Variants in BIRC6 observed in about 807,000 individuals in gnomAD.
BIRC6 encodes dual E2 ubiquitin-conjugating enzyme/E3 ubiquitin-protein ligase BIRC6.
A neutral mutation model predicts 503.3 loss-of-function variants in BIRC6; 98 were observed. That is an observed-to-expected ratio of 0.19 (90% CI 0.17 to 0.23). The LOEUF (loss-of-function observed/expected upper bound fraction) is 0.23. Among genes scored for constraint, BIRC6 ranks in the 10% least tolerant of loss-of-function variants. The probability of loss-of-function intolerance (pLI) is 1.00; values close to 1 mark genes in which losing one functional copy is unlikely to be tolerated. For synonymous variants in BIRC6, 2,240 were observed against 2,078.7 expected (o/e 1.08, Z -2.11); for missense variants, 5,360 against 5,806.0 (o/e 0.92, Z 2.50).
At chr2:32,486,304 G>A (rs923011984) in intron 40 of BIRC6, among the ~76,000 whole-genome samples, 3 of 152,186 alleles carry the variant, frequency 2.0e-5, no homozygotes, top group Non-Finnish European at 2.9e-5. Flanking sequence ...GCCATATGGT[G>A]TGTATTGAAA....
chr2:32,587,966 G>A (rs1382918063), intron 66 of BIRC6, among the ~76,000 whole-genome samples: 1 of 152,064 alleles, frequency 6.6e-6, no homozygotes, highest in Non-Finnish European at 1.5e-5. Flanking sequence ...ATTGTGTTTG[G>A]TTATCTCTCT....
chr2:32,406,838 AT>A (rs764634456), intron 9 of BIRC6, among the ~76,000 whole-genome samples: 29 of 152,180 alleles, frequency 1.9e-4, no homozygotes, highest in Non-Finnish European at 3.2e-4. Flanking sequence ...AAATGTTTTT[AT>A]TTGTATAATG....
chr2:32,538,919 A>AAATG (rs139245193), intron 61 of BIRC6, among the ~76,000 whole-genome samples: 1,524 of 152,188 alleles, frequency 0.01, 11 homozygotes, highest in African/African-American at 0.025. Context: ...ATGATTGAAC[A>AAATG]AATGAATGAA....
At chr2:32,468,362 T>C (rs1200349461) in intron 28 of BIRC6, 75 bp from the exon 29 acceptor site, 1 of 1,271,946 alleles carries the variant, frequency 7.9e-7, no homozygotes, top group Non-Finnish European at 1.1e-6. Flanking sequence ...TTAAGAGATT[T>C]AATTCTTAGT....
In BIRC6 at chr2:32,501,769, A is replaced by G. The variant is rs768862426; in HGVS notation, c.9088A>G (p.Ile3030Val). ...AAACTTTCATGGTGGGTTGGATGCC[A>G]TATCAGTTGGGGATGGATTATTTAC... ...HENFHGGLDA[I>V]SVGDGLFTIL... Residue 3030 changes from isoleucine to valine, a missense_variant, in exon 47 of 74, where the codon ATA becomes GTA. Physicochemically the swap from Ile to Val is conservative, Grantham distance 29 (BLOSUM62 3). This residue lies in a region of BIRC6 where 267 missense variants were observed against 287.6 expected (regional missense o/e 0.93). Coordinates refer to ENST00000421745, the MANE Select transcript of BIRC6 (RefSeq NM_016252.4). 1.1e-5 allele frequency: 18 copies of G among 1,613,694 alleles called. No homozygotes were observed. Among genetic ancestry groups the G allele is most frequent in the South Asian group, 7.7e-5 (7 of 91,046 alleles).
chr2:32,510,066 G>C, intron 52 of BIRC6, 72 bp downstream of exon 52: 1 of 1,505,424 alleles, frequency 6.6e-7, no homozygotes, highest in Non-Finnish European at 9.0e-7. Context: ...TGCGATCTTC[G>C]TGCTTAACTC....
intron 62 of BIRC6, 122 bp from the exon 63 acceptor site, chr2:32,545,521 C>A (rs2057997226): frequency 2.5e-6 from 2 of 806,590 alleles, no homozygotes; most frequent in South Asian, 1.6e-5. Context: ...ATTTGGTTTT[C>A]TAAATAATTT....
intron 67 of BIRC6, 148 bp downstream of exon 67, chr2:32,594,208 G>A: frequency 1.3e-6 from 1 of 795,616 alleles, no homozygotes; most frequent in Non-Finnish European, 1.9e-6. Context: ...GTTAGATTTT[G>A]TTCTTTATCT....
At chr2:32,377,194 T>G (rs913299689) in intron 1 of BIRC6, among the ~76,000 whole-genome samples, 1 of 151,362 alleles carries the variant, frequency 6.6e-6, no homozygotes, top group African/African-American at 2.4e-5. Flanking sequence ...TACATTTGCT[T>G]ATTATTCCCT....
Position 32,388,793 on chromosome 2 carries a change from C to T in BIRC6, c.689C>T (p.Ser230Phe). Reference protein sequence around the residue: ...TFHLPHHVLKSIASAIVNELK... With the variant: ...TFHLPHHVLKFIASAIVNELK... ...CATCTTCCTCATCATGTGTTGAAGT[C>T]CATTGCCAGTGCCATTGTAAATGAA... The change falls in exon 4 of 74, where the codon TCC becomes TTC. Residue 230 changes from serine (S) to phenylalanine (F), a missense_variant. This residue lies in a region of BIRC6 where 134 missense variants were observed against 150.9 expected (regional missense o/e 0.89). Transcript: ENST00000421745. 6.2e-7 allele frequency: 1 copy of T among 1,611,262 alleles called. No homozygotes were observed. Among genetic ancestry groups the T allele is most frequent in the Non-Finnish European group, 8.5e-7 (1 of 1,178,854 alleles).
intron 66 of BIRC6, among the ~76,000 whole-genome samples, chr2:32,589,730 G>A (rs965538829): frequency 1.3e-5 from 2 of 152,018 alleles, no homozygotes; most frequent in African/African-American, 4.8e-5. Context: ...TGGCTCAGTT[G>A]GGTTGTCCCC....
At chr2:32,459,232 A>C (rs1032572738) in intron 23 of BIRC6, among the ~76,000 whole-genome samples, 1 of 152,200 alleles carries the variant, frequency 6.6e-6, no homozygotes, top group Non-Finnish European at 1.5e-5. Context: ...CTTGGCAACC[A>C]GTAGATTGGA....
chr2:32,548,821 C>G lies in BIRC6; in HGVS notation c.12976-492C>G, dbSNP rs2058239369. On this transcript the variant is annotated intron_variant, in intron 64 of 73. Coordinates refer to ENST00000421745, the MANE Select transcript of BIRC6 (RefSeq NM_016252.4). ...GATAAATAAATAACTTTTCTAGATT[C>G]AGGCAAGTTGGACAAGAATAGAAAG... The G allele has an allele frequency of 1.3e-5, 2 of 152,142 alleles. 1 individual carries two copies. Among genetic ancestry groups the G allele is most frequent in the South Asian group, 4.2e-4 (2 of 4,808 alleles). The allele number at this position is 152,142 out of a possible 1,614,324, so 9.4% of individuals were successfully genotyped here.
At chr2:32,363,295 C>A (rs1446017774) in intron 1 of BIRC6, among the ~76,000 whole-genome samples, 1 of 152,114 alleles carries the variant, frequency 6.6e-6, no homozygotes, top group Non-Finnish European at 1.5e-5. Context: ...TTGTGCCAGC[C>A]TGGGCAACAG....
intron 10 of BIRC6, among the ~76,000 whole-genome samples, chr2:32,426,853 T>C (rs989066320): frequency 6.6e-6 from 1 of 152,188 alleles, no homozygotes; most frequent in African/African-American, 2.4e-5. Flanking sequence ...TCAGTCTTTG[T>C]TTTTCTGGAA....
intron 50 of BIRC6, among the ~76,000 whole-genome samples, chr2:32,507,098 T>C (rs2053877977): frequency 6.6e-6 from 1 of 152,146 alleles, no homozygotes; most frequent in South Asian, 2.1e-4. Flanking sequence ...TCAGCAAGAA[T>C]TGATTTTTTA....
rs373113978 is a variant in BIRC6, at chr2:32,603,000, C to T, written c.13993-6C>T. The T allele has an allele frequency of 8.4e-4, 1,345 of 1,599,424 alleles. No individual in the cohort carries two copies. The highest frequency in any genetic ancestry group is 1.1e-3 in the Non-Finnish European group (1,302 of 1,174,932). On this transcript the variant is annotated splice_region_variant and splice_polypyrimidine_tract_variant and intron_variant, in intron 70 of 73. Transcript: ENST00000421745. ...CAATTCTGTTTATGCTTTTTTCGTT[C>T]GTCAGGTTTGTTTAAGCATCTTAAA...
At position 32,602,010 on chromosome 2, in the gene BIRC6, T is replaced by C. The variant is rs1441491951; in HGVS notation, c.13993-996T>C. 2.0e-5 allele frequency among the ~76,000 whole-genome samples: 3 copies of C among 152,184 alleles called. No individual in the cohort carries two copies. In the East Asian group the frequency reaches 5.8e-4, roughly 29 times the overall value. On this transcript the variant is annotated intron_variant, in intron 70 of 73. Coordinates refer to ENST00000421745, the MANE Select transcript of BIRC6 (RefSeq NM_016252.4). ...ATTTAGAAAGAAATACACAAAAATA[T>C]AAAATAGTACCACTTTTATTAAAAA...
At chr2:32,555,028 T>A (rs955302352) in intron 65 of BIRC6, among the ~76,000 whole-genome samples, 5 of 152,224 alleles carry the variant, frequency 3.3e-5, no homozygotes, top group African/African-American at 9.6e-5. Flanking sequence ...TTGATACCAA[T>A]AGAAAATACA....
Sources: gnomAD v4.1 joint callset for allele counts (sites outside exome capture counted in the v4.1 genomes callset) on GRCh38, gnomAD v4.1.1 for gene constraint, gnomAD v4.1.1 regional missense constraint, MANE v1.5 for transcripts, NCBI Gene and HGNC (gene_info 2026-07-23, HGNC 2026-07-21) for gene names.